MAPK10: variants seen among roughly 807,000 people sequenced by gnomAD.
The protein encoded by MAPK10 is mitogen-activated protein kinase 10, also known as JNK3 alpha protein kinase.
Under a neutral mutation model 59.3 loss-of-function variants are expected in MAPK10, and 25 were observed. The ratio of observed to expected loss-of-function variants is 0.42; its 90% CI spans 0.31 to 0.59. MAPK10 has a LOEUF of 0.59. Among genes scored for constraint, MAPK10 ranks in the 20% least tolerant of loss-of-function variants. The pLI is 0.15. For missense variants in MAPK10, 351 were observed against 568.9 expected (o/e 0.62, Z 3.90); for synonymous variants, 190 against 200.5 (o/e 0.95, Z 0.44).
At chr4:86,322,375 T>C (rs2095915599) in intron 2 of MAPK10, among the ~76,000 whole-genome samples, 1 of 152,184 alleles carries the variant, frequency 6.6e-6, no homozygotes, top group Admixed American at 6.6e-5. Context: ...AGATTCTATT[T>C]ATAGAACTCA....
chr4:86,047,076 T>G (rs2042632819), intron 11 of MAPK10, among the ~76,000 whole-genome samples: 1 of 152,056 alleles, frequency 6.6e-6, no homozygotes, highest in East Asian at 1.9e-4. Flanking sequence ...AAACTATTAT[T>G]AGTATTATTT....
At chr4:86,589,278 A>G (rs1165106280) in intron 1 of MAPK10, among the ~76,000 whole-genome samples, 1 of 152,150 alleles carries the variant, frequency 6.6e-6, no homozygotes, top group African/African-American at 2.4e-5. Flanking sequence ...ATAATGCTGT[A>G]TTGGTGAAGA....
chr4:86,514,520 G>A (rs1756514324), intron 1 of MAPK10, among the ~76,000 whole-genome samples: 2 of 151,964 alleles, frequency 1.3e-5, no homozygotes, highest in African/African-American at 4.8e-5. Context: ...CCCTCTATTG[G>A]TTTTTTAAGT....
At chr4:86,284,489 A>C (rs1431372493) in intron 2 of MAPK10, among the ~76,000 whole-genome samples, 6 of 152,192 alleles carry the variant, frequency 3.9e-5, no homozygotes, top group Non-Finnish European at 5.9e-5. Flanking sequence ...CTTCGATGTC[A>C]TCATTTCATT....
At chr4:86,479,410 G>A (rs1330814978) in intron 1 of MAPK10, among the ~76,000 whole-genome samples, 2 of 150,282 alleles carry the variant, frequency 1.3e-5, no homozygotes, top group African/African-American at 4.9e-5. Flanking sequence ...CTGTATAGAC[G>A]CTCCTTTTTA....
chr4:86,136,092 C>A (rs897059543), intron 4 of MAPK10, among the ~76,000 whole-genome samples: 1 of 152,134 alleles, frequency 6.6e-6, no homozygotes, highest in Non-Finnish European at 1.5e-5. Context: ...GAGAATGGAA[C>A]CAAGGTGGAA....
At chr4:86,496,651 T>C (rs1348383959) in intron 1 of MAPK10, among the ~76,000 whole-genome samples, 1 of 152,150 alleles carries the variant, frequency 6.6e-6, no homozygotes, top group African/African-American at 2.4e-5. Context: ...CTAAGTGCTT[T>C]TTAAGAATGC....
chr4:86,530,068 CT>C (rs199905487), intron 1 of MAPK10, among the ~76,000 whole-genome samples: 42,431 of 132,072 alleles, frequency 0.32, 6,581 homozygotes, highest in Admixed American at 0.37. Flanking sequence ...TTTGTTTTTC[CT>C]TTTTTTTTTT....
chr4:86,360,226 A>G (rs1736648088), upstream of MAPK10: 3 of 985,576 alleles, frequency 3.0e-6, no homozygotes, highest in Non-Finnish European at 2.4e-6. Context: ...CGGTGAAATG[A>G]GGACCAGGCA....
rs186652544 is a variant in MAPK10, at chr4:86,168,878, C to T, written c.67-9411G>A. On this transcript the variant is annotated intron_variant, in intron 3 of 13. Coordinates refer to ENST00000641462, the MANE Select transcript of MAPK10 (RefSeq NM_138982.4). Reference sequence around the variant, plus strand: ...CTCTGAGACAAAACTTCCAGAGGAACGATCAGACAGCAGCATTCGCGGTTC... The same window carrying T: ...CTCTGAGACAAAACTTCCAGAGGAATGATCAGACAGCAGCATTCGCGGTTC... 1.7e-3 allele frequency among the ~76,000 whole-genome samples: 255 copies of T among 152,208 alleles called. No homozygotes were observed. The Middle Eastern group carries it at 0.017, about 10-fold the overall frequency.
At chr4:86,517,269 CTTTTTTTT>C (rs1176457005) in intron 1 of MAPK10, among the ~76,000 whole-genome samples, 1 of 84,262 alleles carries the variant, frequency 1.2e-5, no homozygotes, top group Non-Finnish European at 2.2e-5. Flanking sequence ...GGTGTATTAT[CTTTTTTTT>C]TTTTTTTTTT....
chr4:86,393,167 GA>G (rs1304225393), intron 1 of MAPK10, among the ~76,000 whole-genome samples: 2 of 152,034 alleles, frequency 1.3e-5, no homozygotes, highest in African/African-American at 2.4e-5. Flanking sequence ...GTCCTCAAGA[GA>G]AAAAATAAAA....
intron 1 of MAPK10, among the ~76,000 whole-genome samples, chr4:86,413,283 AT>A: frequency 6.6e-6 from 1 of 152,164 alleles, no homozygotes; most frequent in South Asian, 2.1e-4. Flanking sequence ...TGGAATCTTC[AT>A]CCCAGAGGGG....
At chr4:86,444,798 C>T (rs1749836096) in intron 1 of MAPK10, among the ~76,000 whole-genome samples, 1 of 151,078 alleles carries the variant, frequency 6.6e-6, no homozygotes, top group African/African-American at 2.4e-5. Flanking sequence ...ATTCATGCGG[C>T]CAACAAATAT....
At chr4:86,379,066 TC>T (rs1302110784) in intron 1 of MAPK10, among the ~76,000 whole-genome samples, 10 of 152,108 alleles carry the variant, frequency 6.6e-5, no homozygotes, top group Non-Finnish European at 1.3e-4. Context: ...AGCACAGGGC[TC>T]CAAGAGCAGC....
intron 4 of MAPK10, among the ~76,000 whole-genome samples, chr4:86,112,579 CTGTTTGTTATGATTTCACTTATTT>C (rs2057672182): frequency 6.6e-6 from 1 of 152,108 alleles, no homozygotes; most frequent in African/African-American, 2.4e-5. Context: ...GTCTGAAAGA[CTGTTTGTTATGATTTCACTTATTT>C]TGCATTTGGT....
At chr4:86,317,789 A>G (rs913369524) in intron 2 of MAPK10, among the ~76,000 whole-genome samples, 6 of 152,344 alleles carry the variant, frequency 3.9e-5, no homozygotes, top group African/African-American at 9.6e-5. Flanking sequence ...GAGAGCTGCC[A>G]TAACAAAATG....
At position 86,473,852 on chromosome 4, in the gene MAPK10, C is replaced by G. The variant is rs1752853766; in HGVS notation, c.-262-119208G>C. 5.3e-5 allele frequency among the ~76,000 whole-genome samples: 8 copies of G among 152,276 alleles called. No individual in the cohort carries two copies. The South Asian group carries it at 1.5e-3, about 28-fold the overall frequency. ...CCAGCAGCCAGCAATGCTATATCCT[C>G]CAGGCATGAGAGTCTAGCTGGACGC... On this transcript the variant is annotated intron_variant, in intron 1 of 4. Transcript: ENST00000502302.
chr4:86,494,641 T>C (rs1380743392), intron 1 of MAPK10, among the ~76,000 whole-genome samples: 1 of 151,648 alleles, frequency 6.6e-6, no homozygotes, highest in Admixed American at 6.6e-5. Context: ...GTCAAGAGAT[T>C]GAGACCATCC....
Sources: allele counts gnomAD v4.1 joint callset (sites outside exome capture counted in the v4.1 genomes callset), GRCh38; gene constraint gnomAD v4.1.1; transcripts MANE v1.5; gene names NCBI Gene and HGNC (gene_info 2026-07-23, HGNC 2026-07-21).